Variants in ACAA2 observed in about 807,000 individuals in gnomAD.
ACAA2 encodes the protein 3-ketoacyl-CoA thiolase, mitochondrial.
ACAA2 carries 35 observed loss-of-function variants against 44.8 expected under a neutral mutation model. The ratio of observed to expected loss-of-function variants is 0.78; its 90% CI spans 0.60 to 1.04. The LOEUF (loss-of-function observed/expected upper bound fraction) is 1.04. ACAA2 is among the 50% of genes least tolerant of loss of function. The pLI is 0.00. For missense variants in ACAA2, 468 were observed against 482.6 expected (o/e 0.97, Z 0.28); for synonymous variants, 142 against 166.5 (o/e 0.85, Z 1.13).
intron 1 of ACAA2, among the ~76,000 whole-genome samples, chr18:49,812,486 T>C (rs1305312822): frequency 1.3e-5 from 2 of 152,164 alleles, no homozygotes. Flanking sequence ...CCACTTTCTA[T>C]CAAATCCACC....
At chr18:49,800,857 C>T (rs995081585) in intron 2 of ACAA2, among the ~76,000 whole-genome samples, 1 of 142,958 alleles carries the variant, frequency 7.0e-6, no homozygotes, top group Non-Finnish European at 1.5e-5. Flanking sequence ...TGGGCCAAAT[C>T]CCCCTCTGCG....
chr18:49,812,897 T>A (rs1430899123), intron 1 of ACAA2: 1 of 152,286 alleles, frequency 6.6e-6, no homozygotes, highest in Admixed American at 6.5e-5. Flanking sequence ...AAAAGGGAGT[T>A]TATTACACAG....
intron 8 of ACAA2, chr18:49,786,092 TAAGA>T (rs1364926378): frequency 6.6e-5 from 10 of 152,220 alleles, no homozygotes; most frequent in African/African-American, 9.6e-5. Context: ...AAACTCATTC[TAAGA>T]AAGGTAACTT....
In ACAA2 at chr18:49,787,267, A is replaced by AAAAC. The variant is rs1391939666; in HGVS notation, c.954+23_954+24insGTTT. On this transcript the variant is annotated intron_variant, in intron 8 of 9. Transcript: ENST00000285093. ...ATGGTTTATTCATGTTGTTAAAAAA[A>AAAAC]AAAAAAAAAAAAAAAACACTTACCT... 1.8e-5 allele frequency: 25 copies of AAAAC among 1,421,814 alleles called. No homozygotes were observed. The African/African-American group carries it at 2.3e-4, about 13-fold the overall frequency. The allele number at this position is 1,421,814 out of a possible 1,614,324, so 88.1% of individuals were successfully genotyped here.
At chr18:49,800,658 C>T (rs1026639771) in intron 2 of ACAA2, among the ~76,000 whole-genome samples, 35 of 152,218 alleles carry the variant, frequency 2.3e-4, no homozygotes, top group African/African-American at 7.5e-4. Context: ...GGATTAAGGG[C>T]GGTGCAAGAT....
intron 1 of ACAA2, among the ~76,000 whole-genome samples, chr18:49,807,237 T>C (rs566660139): frequency 1.3e-5 from 2 of 151,908 alleles, no homozygotes; most frequent in East Asian, 1.9e-4. Flanking sequence ...CTCTAAAAAA[T>C]GTAAAAAATT....
At chr18:49,787,220 G>A (rs981284357) in intron 8 of ACAA2, 71 bp downstream of exon 8, 32 of 1,151,822 alleles carry the variant, frequency 2.8e-5, no homozygotes, top group Non-Finnish European at 3.5e-5. Flanking sequence ...CCAAATTAAA[G>A]TCATTTATGC....
chr18:49,801,814 A>ATATATATATATATATATCTC (rs1491158195), intron 2 of ACAA2, among the ~76,000 whole-genome samples: 29 of 134,986 alleles, frequency 2.1e-4, no homozygotes, highest in African/African-American at 7.9e-4. Flanking sequence ...ATATATATAT[A>ATATATATATATATATATCTC]TCTTATCTTT....
intron 2 of ACAA2, among the ~76,000 whole-genome samples, chr18:49,801,925 A>G (rs1263789812): frequency 6.6e-6 from 1 of 151,834 alleles, no homozygotes; most frequent in Non-Finnish European, 1.5e-5. Flanking sequence ...CTTTAAAGGA[A>G]TTCTGAATTT....
intron 7 of ACAA2, among the ~76,000 whole-genome samples, chr18:49,787,818 T>C (rs1314130792): frequency 1.3e-5 from 2 of 152,180 alleles, no homozygotes; most frequent in Non-Finnish European, 2.9e-5. Context: ...TAGATTATAA[T>C]TGATATCAAA....
At chr18:49,803,146 C>A (rs963186288) in intron 1 of ACAA2, among the ~76,000 whole-genome samples, 11 of 151,298 alleles carry the variant, frequency 7.3e-5, no homozygotes, top group Non-Finnish European at 1.6e-4. Context: ...GTTTATAAAA[C>A]AGGAGGAAAA....
At chr18:49,789,521 CA>C (rs558685923) in intron 7 of ACAA2, among the ~76,000 whole-genome samples, 7 of 152,134 alleles carry the variant, frequency 4.6e-5, no homozygotes, top group Non-Finnish European at 7.3e-5. Flanking sequence ...TATTCAGGCC[CA>C]GGAACAGAAG....
At chr18:49,791,626 T>G (rs773112984) in intron 6 of ACAA2, 27 bp from the exon 7 acceptor site, 37 of 1,609,110 alleles carry the variant, frequency 2.3e-5, no homozygotes, top group Admixed American at 3.3e-5. Context: ...CTAGATTAAC[T>G]AAAGGCTAAA....
chr18:49,801,194 C>G (rs566679440), intron 2 of ACAA2, among the ~76,000 whole-genome samples: 1 of 152,300 alleles, frequency 6.6e-6, no homozygotes, highest in African/African-American at 2.4e-5. Context: ...ATATTCTGTT[C>G]TCTCTTAACC....
At chr18:49,802,533 G>T (rs545222384) in intron 2 of ACAA2, among the ~76,000 whole-genome samples, 154 bp downstream of exon 2, 78 of 143,222 alleles carry the variant, frequency 5.4e-4, no homozygotes, top group African/African-American at 1.9e-3. Context: ...CCATACTCCA[G>T]CCTGGCGGCA....
In ACAA2 at chr18:49,792,161, C is replaced by T; in HGVS notation, c.744G>A (p.Gly248=). Residue 248 remains glycine (G), a synonymous_variant, in exon 6 of 10, where the codon GGG becomes GGA. Coordinates refer to ENST00000285093, the MANE Select transcript of ACAA2 (RefSeq NM_006111.3). ...GTGTGGTGATACCAACCGATGCATT[C>T]CCTGCAGTAACAGTTCCATCTTTCT... ...VFKKDGTVTA[G]NASGVADGAG... 5 of 1,613,266 alleles carry T rather than the reference C, an allele frequency of 3.1e-6. No individual in the cohort carries two copies. The highest frequency in any genetic ancestry group is 4.2e-6 in the Non-Finnish European group (5 of 1,179,486).
chr18:49,797,091 C>T, intron 3 of ACAA2, among the ~76,000 whole-genome samples: 1 of 152,048 alleles, frequency 6.6e-6, no homozygotes. Context: ...TTTCATCTTG[C>T]AAAACTGAAA....
rs377671160 is a variant in ACAA2, at chr18:49,803,020, AG to A, written c.17-168del. 958 of 776,238 alleles carry A rather than the reference AG, an allele frequency of 1.2e-3. 9 individuals are homozygous for A. In the African/African-American group the frequency reaches 0.014, roughly 12 times the overall value. The allele number at this position is 776,238 out of a possible 1,614,324, so 48.1% of individuals were successfully genotyped here. ...TCATACCCATGGAAGCAGAGTCTTA[AG>A]GACTACCAGTTTGACAGTTTGATCT... On this transcript the variant is annotated intron_variant, in intron 1 of 9. Transcript: ENST00000285093.
chr18:49,790,408 G>A (rs1479481966), intron 7 of ACAA2, among the ~76,000 whole-genome samples: 1 of 152,108 alleles, frequency 6.6e-6, no homozygotes. Context: ...AGAACCTGTA[G>A]GCTTACACTG....
Sources: allele counts gnomAD v4.1 joint callset (sites outside exome capture counted in the v4.1 genomes callset), GRCh38; gene constraint gnomAD v4.1.1; transcripts MANE v1.5; gene names NCBI Gene and HGNC (gene_info 2026-07-23, HGNC 2026-07-21).